The following FSTL4 variants were observed in gnomAD, a reference collection of about 807,000 sequenced individuals.
FSTL4 encodes follistatin like 4, also known as follistatin-related protein 4.
A neutral mutation model predicts 78.2 loss-of-function variants in FSTL4; 28 were observed. The observed-to-expected ratio is 0.36, with a 90% CI of 0.27 to 0.49. The LOEUF (loss-of-function observed/expected upper bound fraction) is 0.49, where lower values mean the gene tolerates loss of function less well. Among genes scored for constraint, FSTL4 ranks in the 20% least tolerant of loss-of-function variants. The probability of loss-of-function intolerance (pLI) is 0.98; values close to 1 mark genes in which losing one functional copy is unlikely to be tolerated. For synonymous variants in FSTL4, 422 were observed against 440.5 expected (o/e 0.96, Z 0.53); for missense variants, 922 against 1,084.9 (o/e 0.85, Z 2.11).
chr5:133,464,148 CTT>C (rs1464408303), intron 3 of FSTL4, among the ~76,000 whole-genome samples: 1 of 152,218 alleles, frequency 6.6e-6, no homozygotes, highest in Non-Finnish European at 1.5e-5. Flanking sequence ...TGAGATGACA[CTT>C]ACACTAAGCA....
At chr5:133,686,371 T>C in the FSTL4 span, among the ~76,000 whole-genome samples, 8 of 152,226 alleles carry the variant, frequency 5.3e-5, no homozygotes, top group African/African-American at 1.9e-4. Flanking sequence ...GAGGTAGTGT[T>C]ACATGAGGTA....
chr5:133,536,018 G>C (rs1759344347), intron 3 of FSTL4, among the ~76,000 whole-genome samples: 1 of 152,200 alleles, frequency 6.6e-6, no homozygotes, highest in Admixed American at 6.5e-5. Flanking sequence ...TCACCAAGCA[G>C]AGGGCCTCTC....
chr5:133,548,765 G>C (rs1157034150), intron 3 of FSTL4, among the ~76,000 whole-genome samples: 1 of 151,862 alleles, frequency 6.6e-6, no homozygotes, highest in Admixed American at 6.6e-5. Context: ...TCACTGGCTA[G>C]AATTAACATA....
chr5:133,514,615 T>G (rs539640072), intron 3 of FSTL4, among the ~76,000 whole-genome samples: 1 of 152,324 alleles, frequency 6.6e-6, no homozygotes, highest in East Asian at 1.9e-4. Context: ...GAAATGTTCC[T>G]AAAGACTGAA....
At chr5:133,533,526 G>A (rs569647157) in intron 3 of FSTL4, among the ~76,000 whole-genome samples, 45 of 152,224 alleles carry the variant, frequency 3.0e-4, no homozygotes, top group African/African-American at 7.5e-4. Flanking sequence ...GATTACAGGC[G>A]TGAGCCACCA....
intron 3 of FSTL4, among the ~76,000 whole-genome samples, chr5:133,470,210 C>T (rs1425876711): frequency 3.3e-5 from 5 of 152,064 alleles, no homozygotes; most frequent in East Asian, 3.9e-4. Flanking sequence ...TTGCCAGACC[C>T]GCAACAGAAA....
At position 133,334,210 on chromosome 5, in the gene FSTL4, T is replaced by A. The variant is rs551625623; in HGVS notation, c.410-17558A>T. 1.0e-3 allele frequency among the ~76,000 whole-genome samples: 156 copies of A among 152,324 alleles called. 1 individual carries two copies. The highest frequency in any genetic ancestry group is 3.5e-3 in the African/African-American group (145 of 41,568). ...ATTACCATGACGACAAGTTCCTAGG[T>A]GATTGCTTCAAGTTCTACATGCAGC... On this transcript the variant is annotated intron_variant, in intron 4 of 15. Coordinates refer to ENST00000265342, the MANE Select transcript of FSTL4 (RefSeq NM_015082.2).
At chr5:133,283,129 T>A (rs1345478041) in intron 6 of FSTL4, among the ~76,000 whole-genome samples, 2 of 152,176 alleles carry the variant, frequency 1.3e-5, no homozygotes. Context: ...GAGCTGCTCA[T>A]TGGTGACAGA....
the FSTL4 span, among the ~76,000 whole-genome samples, chr5:133,641,177 G>T: frequency 2.0e-5 from 3 of 152,076 alleles, no homozygotes; most frequent in Middle Eastern, 3.2e-3. Context: ...TCATGGGAAT[G>T]TCACAAATAG....
At chr5:133,736,445 C>T in the FSTL4 span, among the ~76,000 whole-genome samples, 1 of 152,172 alleles carries the variant, frequency 6.6e-6, no homozygotes, top group African/African-American at 2.4e-5. Flanking sequence ...ATTAAAGCAA[C>T]AGCAGAAGGA....
At chr5:133,571,060 G>A (rs1466520238) in intron 2 of FSTL4, among the ~76,000 whole-genome samples, 1 of 151,598 alleles carries the variant, frequency 6.6e-6, no homozygotes, top group Non-Finnish European at 1.5e-5. Flanking sequence ...CACACATAAA[G>A]GGCAAAAGGC....
intron 4 of FSTL4, among the ~76,000 whole-genome samples, chr5:133,359,058 T>C (rs542947824): frequency 6.6e-6 from 1 of 152,364 alleles, no homozygotes; most frequent in African/African-American, 2.4e-5. Flanking sequence ...TCTTAACCTG[T>C]TGGCATTTCT....
chr5:133,341,398 T>C (rs1349214999), intron 4 of FSTL4, among the ~76,000 whole-genome samples: 2 of 151,882 alleles, frequency 1.3e-5, no homozygotes, highest in African/African-American at 2.4e-5. Context: ...AGGACGTGAG[T>C]TGGGCTCAGC....
intron 3 of FSTL4, among the ~76,000 whole-genome samples, chr5:133,524,577 G>A (rs918827994): frequency 1.3e-5 from 2 of 152,214 alleles, no homozygotes; most frequent in African/African-American, 4.8e-5. Flanking sequence ...GCTGTAGACA[G>A]GGGCACCACA....
At chr5:133,377,102 T>A (rs13181704) in intron 4 of FSTL4, among the ~76,000 whole-genome samples, 3 of 151,740 alleles carry the variant, frequency 2.0e-5, no homozygotes, top group East Asian at 1.9e-4. Context: ...CCAGCACAAC[T>A]AATCCCTGCC....
chr5:133,291,074 C>T (rs1305223923), intron 6 of FSTL4, among the ~76,000 whole-genome samples: 1 of 152,232 alleles, frequency 6.6e-6, no homozygotes, highest in Non-Finnish European at 1.5e-5. Context: ...GACTCAACCG[C>T]CCACTTGGAA....
the FSTL4 span, among the ~76,000 whole-genome samples, chr5:133,812,669 C>T: frequency 1.3e-5 from 2 of 152,236 alleles, no homozygotes; most frequent in Admixed American, 6.5e-5. Context: ...AGTGTCCCCA[C>T]TTTATTTTAC....
chr5:133,752,570 A>G, the FSTL4 span, among the ~76,000 whole-genome samples: 1 of 152,140 alleles, frequency 6.6e-6, no homozygotes, highest in African/African-American at 2.4e-5. Context: ...AGATTGCGCC[A>G]CTGTACTCCA....
intron 3 of FSTL4, among the ~76,000 whole-genome samples, chr5:133,485,808 T>C (rs1758121128): frequency 6.6e-6 from 1 of 152,258 alleles, no homozygotes; most frequent in Admixed American, 6.5e-5. Context: ...TTGCCTCGAG[T>C]GCCTGGGAGC....
Sources: allele counts gnomAD v4.1 joint callset (sites outside exome capture counted in the v4.1 genomes callset), GRCh38; gene constraint gnomAD v4.1.1; transcripts MANE v1.5; gene names NCBI Gene and HGNC (gene_info 2026-07-23, HGNC 2026-07-21).